PGGT1B: variants seen among roughly 807,000 people sequenced by gnomAD.
The protein encoded by PGGT1B is protein geranylgeranyltransferase type I subunit beta.
Under a neutral mutation model 46.1 loss-of-function variants are expected in PGGT1B, and 30 were observed. The observed-to-expected ratio is 0.65, with a 90% CI of 0.49 to 0.88. The LOEUF (loss-of-function observed/expected upper bound fraction) is 0.88, where lower values mean the gene tolerates loss of function less well. Among genes scored for constraint, PGGT1B ranks in the 40% least tolerant of loss-of-function variants. PGGT1B has a pLI of 0.00. For synonymous variants in PGGT1B, 170 were observed against 160.0 expected (o/e 1.06, Z -0.47); for missense variants, 376 against 455.9 (o/e 0.82, Z 1.60).
chr5:115,246,641 C>T (rs550636129), intron 2 of PGGT1B, among the ~76,000 whole-genome samples: 3 of 152,028 alleles, frequency 2.0e-5, no homozygotes, highest in Non-Finnish European at 4.4e-5. Context: ...TCTGGCTGCC[C>T]ATCAGAATCA....
intron 1 of PGGT1B, among the ~76,000 whole-genome samples, chr5:115,258,455 T>C (rs904054951): frequency 6.6e-6 from 1 of 152,226 alleles, no homozygotes; most frequent in South Asian, 2.1e-4. Flanking sequence ...TTACATGATA[T>C]CCAACTCATG....
chr5:115,250,437 T>C lies in PGGT1B; in HGVS notation c.259+2700A>G, dbSNP rs541405591. 3.7e-4 allele frequency among the ~76,000 whole-genome samples: 57 copies of C among 152,242 alleles called. No homozygotes were observed. The South Asian group carries it at 0.012, about 31-fold the overall frequency. On this transcript the variant is annotated intron_variant, in intron 2 of 8. Coordinates refer to ENST00000419445, the MANE Select transcript of PGGT1B (RefSeq NM_005023.4). The stretch of plus-strand genomic sequence containing the variant: ...AATAAGCACTGAGAGGGAAAAGAAA[T>C]AGAAGACACATTCACTTGTCTCCCT...
intron 2 of PGGT1B, among the ~76,000 whole-genome samples, chr5:115,250,346 A>G (rs1325668077): frequency 6.6e-6 from 1 of 152,210 alleles, no homozygotes. Flanking sequence ...AAAATATATA[A>G]AAGAGGAAGA....
chr5:115,218,045 A>T (rs1756473767), intron 7 of PGGT1B, among the ~76,000 whole-genome samples: 1 of 151,922 alleles, frequency 6.6e-6, no homozygotes, highest in South Asian at 2.1e-4. Flanking sequence ...ATGTGTCCTA[A>T]CTTAACATTA....
intron 2 of PGGT1B, among the ~76,000 whole-genome samples, chr5:115,251,976 A>G (rs1171266707): frequency 1.1e-4 from 17 of 152,106 alleles, no homozygotes; most frequent in Admixed American, 9.8e-4. Context: ...GTATTTTGCA[A>G]GTGACTAGGA....
At chr5:115,226,114 A>C (rs898937705) in intron 6 of PGGT1B, among the ~76,000 whole-genome samples, 2 of 152,110 alleles carry the variant, frequency 1.3e-5, no homozygotes, top group African/African-American at 2.4e-5. Flanking sequence ...GAATAGTTTT[A>C]TCTCTAACAA....
chr5:115,219,471 T>A (rs997793555), intron 7 of PGGT1B, among the ~76,000 whole-genome samples: 1 of 151,854 alleles, frequency 6.6e-6, no homozygotes, highest in African/African-American at 2.4e-5. Flanking sequence ...AGGCCCAACA[T>A]TAAGGCCTGA....
rs1561485959 is a variant in PGGT1B, at chr5:115,253,262, G to A, written c.141-7C>T. ...AAAAAATGCAATTGTCAACCTAAAA[G>A]AAAAAAATGTAAAATTCCATCTTAA... is the stretch of plus-strand genomic sequence containing the variant. On this transcript the variant is annotated splice_polypyrimidine_tract_variant and splice_region_variant and intron_variant, in intron 1 of 8. Coordinates refer to ENST00000419445, the MANE Select transcript of PGGT1B (RefSeq NM_005023.4). The A allele has an allele frequency of 2.6e-6, 4 of 1,565,606 alleles. No individual in the cohort carries two copies. The highest frequency in any genetic ancestry group is 1.4e-5 in the African/African-American group (1 of 71,726).
chr5:115,221,053 G>C (rs1211272276), intron 7 of PGGT1B, among the ~76,000 whole-genome samples: 1 of 151,998 alleles, frequency 6.6e-6, no homozygotes, highest in African/African-American at 2.4e-5. Context: ...GGTACTACAA[G>C]TGAGGAGAGA....
chr5:115,222,730 A>G (rs1756623768), intron 6 of PGGT1B, among the ~76,000 whole-genome samples: 1 of 152,206 alleles, frequency 6.6e-6, no homozygotes, highest in Non-Finnish European at 1.5e-5. Flanking sequence ...CAACCCAAAC[A>G]TCCATCAATG....
intron 2 of PGGT1B, among the ~76,000 whole-genome samples, chr5:115,243,856 TCA>T (rs1008793790): frequency 6.6e-4 from 100 of 152,268 alleles, no homozygotes; most frequent in Middle Eastern, 3.4e-3. Flanking sequence ...TTGCCATTTC[TCA>T]TATATGGGCC....
rs1756068159 is a variant in PGGT1B, at chr5:115,206,525, G to C, written c.*5877C>G. ...CTAAATGCCACTGAGTCTATTTCTGGAATTCCTCTTCTGTTCCATTGGACT... is the reference window on the plus strand; with the variant it reads ...CTAAATGCCACTGAGTCTATTTCTGCAATTCCTCTTCTGTTCCATTGGACT... On this transcript the variant is annotated 3_prime_UTR_variant, in exon 9 of 9. Coordinates refer to ENST00000419445, the MANE Select transcript of PGGT1B (RefSeq NM_005023.4). The C allele has an allele frequency of 1.3e-5, 2 of 151,856 alleles. No individual in the cohort carries two copies. The highest frequency in any genetic ancestry group is 4.8e-5 in the African/African-American group (2 of 41,410). The allele number at this position is 151,856 out of a possible 1,614,324, so 9.4% of individuals were successfully genotyped here.
At chr5:115,215,487 C>A (rs1383873838) in intron 8 of PGGT1B, among the ~76,000 whole-genome samples, 2 of 151,898 alleles carry the variant, frequency 1.3e-5, no homozygotes, top group African/African-American at 4.8e-5. Context: ...TTAGTAGAGG[C>A]AATGTTTCAC....
intron 7 of PGGT1B, among the ~76,000 whole-genome samples, chr5:115,221,029 T>G (rs1304155494): frequency 2.0e-5 from 3 of 151,976 alleles, no homozygotes; most frequent in African/African-American, 7.2e-5. Flanking sequence ...AAAATTGAAA[T>G]GCACCTGAGA....
chr5:115,232,028 GTTCT>G (rs1056147297), intron 5 of PGGT1B, among the ~76,000 whole-genome samples: 4 of 152,038 alleles, frequency 2.6e-5, no homozygotes, highest in African/African-American at 7.2e-5. Context: ...CTGTGGTTGT[GTTCT>G]TTGTCTCTCA....
chr5:115,254,341 T>G (rs760994771), intron 1 of PGGT1B, among the ~76,000 whole-genome samples: 1 of 152,060 alleles, frequency 6.6e-6, no homozygotes, highest in Non-Finnish European at 1.5e-5. Flanking sequence ...GATACCCCAC[T>G]GGGACAGGAC....
Position 115,262,779 on chromosome 5 carries a change from G to A in PGGT1B, c.73C>T (p.His25Tyr). ...GERLDFLRDR[H>Y]VRFFQRCLQV... is the part of the protein sequence containing the mutation. The stretch of plus-strand genomic sequence containing the variant: ...AGGCAGCGCTGGAAAAATCGCACGT[G>A]CCGATCCCGTAAGAAATCCAGCCGC... Residue 25 changes from histidine to tyrosine, a missense_variant, in exon 1 of 9, where the codon CAC (histidine) becomes TAC (tyrosine). This residue lies in a region of PGGT1B where 154 missense variants were observed against 142.3 expected (regional missense o/e 1.08). Transcript: ENST00000419445. The A allele has an allele frequency of 2.5e-6, 4 of 1,613,500 alleles. No individual in the cohort carries two copies. The highest frequency in any genetic ancestry group is 3.4e-6 in the Non-Finnish European group (4 of 1,179,824).
At chr5:115,232,170 G>C (rs58781194) in intron 5 of PGGT1B, among the ~76,000 whole-genome samples, 19,897 of 152,044 alleles carry the variant, frequency 0.13, 2,058 homozygotes, top group East Asian at 0.49. Context: ...TAGAGTTATA[G>C]AAGAAACAGC....
chr5:115,253,198 C>G lies in PGGT1B; in HGVS notation c.198G>C (p.Val66=), dbSNP rs747794133. 6.2e-7 allele frequency: 1 copy of G among 1,602,296 alleles called. No homozygotes were observed. Among genetic ancestry groups the G allele is most frequent in the South Asian group, 1.1e-5 (1 of 89,242 alleles). ...SGLDMLDSLD[V]VNKDDIIEWI... ...ACTCTATTATATCATCTTTGTTCAC[C>G]ACATCTAAGGAATCCAACATATCCA... is the stretch of plus-strand genomic sequence containing the variant. The change falls in exon 2 of 9, where the codon GTG becomes GTC. Residue 66 remains valine (V), a synonymous_variant. Transcript: ENST00000419445.
Sources: allele counts gnomAD v4.1 joint callset (sites outside exome capture counted in the v4.1 genomes callset), GRCh38; gene constraint gnomAD v4.1.1; regional missense constraint gnomAD v4.1.1; transcripts MANE v1.5; gene names NCBI Gene and HGNC (gene_info 2026-07-23, HGNC 2026-07-21).